Variants in DLGAP1 observed in about 807,000 individuals in gnomAD.
DLGAP1 encodes the protein DLG associated protein 1, also known as disks large-associated protein 1.
In DLGAP1, 11 loss-of-function variants were observed where a neutral mutation model predicts 90.8. The ratio of observed to expected loss-of-function variants is 0.12; its 90% CI spans 0.08 to 0.20. The LOEUF is 0.20. DLGAP1 is among the 10% of genes least tolerant of loss of function. The pLI, the probability that DLGAP1 is intolerant of heterozygous loss-of-function variation, is 1.00. For synonymous variants in DLGAP1, 558 were observed against 540.7 expected, an observed-to-expected ratio of 1.03 and a Z score of -0.44; for missense variants, 1,050 against 1,333.8, an observed-to-expected ratio of 0.79 and a Z score of 3.31.
In DLGAP1 at chr18:3,744,755, C is replaced by T. The variant is rs149656695; in HGVS notation, c.1173-2243G>A. On this transcript the variant is annotated intron_variant, in intron 5 of 12. Coordinates refer to ENST00000315677, the MANE Select transcript of DLGAP1 (RefSeq NM_004746.4). The stretch of plus-strand genomic sequence containing the variant: ...GAGATGGGGTTTCACCATGTTGGCC[C>T]GGCTGGTCTCAGACTCCTGACCTCA... Among the ~76,000 whole-genome samples the T allele has an allele frequency of 7.2e-3, 1,096 of 152,056 alleles. 14 individuals are homozygous for T. The highest frequency in any genetic ancestry group is 0.025 in the African/African-American group (1,034 of 41,438).
chr18:3,693,523 G>A (rs189915016), intron 7 of DLGAP1, among the ~76,000 whole-genome samples: 3 of 152,348 alleles, frequency 2.0e-5, no homozygotes, highest in Admixed American at 2.0e-4. Context: ...TTAATGTGAA[G>A]GCAATCACTG....
intron 1 of DLGAP1, among the ~76,000 whole-genome samples, chr18:4,245,343 A>G (rs894236030): frequency 2.0e-5 from 3 of 152,232 alleles, no homozygotes; most frequent in Admixed American, 6.5e-5. Flanking sequence ...ATAAGTTACA[A>G]TTGTGACATA....
At chr18:4,442,118 A>C (rs1315930126) in intron 1 of DLGAP1, among the ~76,000 whole-genome samples, 1 of 152,088 alleles carries the variant, frequency 6.6e-6, no homozygotes, top group African/African-American at 2.4e-5. Flanking sequence ...CAGTCTCCCA[A>C]GTAGCTGGGA....
intron 1 of DLGAP1, among the ~76,000 whole-genome samples, chr18:4,424,225 T>C (rs1328385133): frequency 6.6e-6 from 1 of 152,138 alleles, no homozygotes; most frequent in African/African-American, 2.4e-5. Flanking sequence ...TTACTGGGCA[T>C]AGTGGAAGTT....
chr18:3,748,532 C>T (rs1397777732), intron 5 of DLGAP1, among the ~76,000 whole-genome samples: 1 of 152,190 alleles, frequency 6.6e-6, no homozygotes, highest in Admixed American at 6.5e-5. Context: ...TTCATTTTCA[C>T]GTTGTCTTCT....
At chr18:4,147,312 CAA>C (rs917894310) in intron 2 of DLGAP1, among the ~76,000 whole-genome samples, 2 of 152,122 alleles carry the variant, frequency 1.3e-5, no homozygotes, top group Non-Finnish European at 2.9e-5. Flanking sequence ...AATCAAGTAG[CAA>C]AAAGTCTTTC....
intron 4 of DLGAP1, among the ~76,000 whole-genome samples, chr18:3,862,870 G>C (rs147240071): frequency 6.6e-6 from 1 of 152,398 alleles, no homozygotes; most frequent in East Asian, 1.9e-4. Context: ...CATTCAAGCA[G>C]GGCGGCCCTC....
At chr18:4,065,219 A>C (rs1043916827) in intron 2 of DLGAP1, among the ~76,000 whole-genome samples, 73 of 152,182 alleles carry the variant, frequency 4.8e-4, no homozygotes, top group Non-Finnish European at 1.1e-3. Flanking sequence ...CATAGTTAAC[A>C]TTATACTGAA....
At chr18:3,728,456 C>A (rs368497488) in intron 7 of DLGAP1, among the ~76,000 whole-genome samples, 3 of 152,074 alleles carry the variant, frequency 2.0e-5, no homozygotes, top group East Asian at 3.9e-4. Flanking sequence ...ACTCGTTAAG[C>A]TTTTCTGTGT....
chr18:3,931,043 CATGGCTTCTGGGTGT>C (rs2072504513), intron 3 of DLGAP1, among the ~76,000 whole-genome samples: 2 of 152,198 alleles, frequency 1.3e-5, no homozygotes, highest in African/African-American at 2.4e-5. Flanking sequence ...AAGCTCCCGG[CATGGCTTCTGGGTGT>C]AGTCACTGTG....
At chr18:3,940,871 AGCTT>A (rs1374438820) in intron 3 of DLGAP1, among the ~76,000 whole-genome samples, 1 of 152,226 alleles carries the variant, frequency 6.6e-6, no homozygotes, top group Non-Finnish European at 1.5e-5. Flanking sequence ...AAAAACTGAT[AGCTT>A]AAATGAGTGA....
At chr18:4,031,948 A>T (rs776036132) in intron 2 of DLGAP1, among the ~76,000 whole-genome samples, 1 of 152,272 alleles carries the variant, frequency 6.6e-6, no homozygotes, top group Non-Finnish European at 1.5e-5. Flanking sequence ...ACATATGGTC[A>T]TATGTGAACA....
At chr18:4,056,002 G>A (rs1253589335) in intron 2 of DLGAP1, among the ~76,000 whole-genome samples, 2 of 152,166 alleles carry the variant, frequency 1.3e-5, no homozygotes, top group East Asian at 3.9e-4. Flanking sequence ...TACAAAGGAT[G>A]TATATATGCG....
At chr18:4,111,023 C>A (rs1480848128) in intron 2 of DLGAP1, among the ~76,000 whole-genome samples, 1 of 152,086 alleles carries the variant, frequency 6.6e-6, no homozygotes, top group Non-Finnish European at 1.5e-5. Flanking sequence ...CTGATCTCAT[C>A]TAAAGGTTAT....
intron 7 of DLGAP1, among the ~76,000 whole-genome samples, chr18:3,663,653 C>T (rs566474679): frequency 1.4e-3 from 209 of 152,344 alleles, no homozygotes; most frequent in Admixed American, 3.2e-3. Flanking sequence ...GTGCCAATTA[C>T]AGGTGCTCTA....
intron 2 of DLGAP1, among the ~76,000 whole-genome samples, chr18:4,105,731 C>T (rs1433696451): frequency 2.6e-5 from 4 of 152,054 alleles, no homozygotes; most frequent in Non-Finnish European, 5.9e-5. Flanking sequence ...GAAAAGGAGG[C>T]CTTAAAAGTT....
intron 4 of DLGAP1, among the ~76,000 whole-genome samples, chr18:3,840,994 A>G (rs1471156237): frequency 1.3e-5 from 2 of 152,226 alleles, no homozygotes; most frequent in Non-Finnish European, 1.5e-5. Flanking sequence ...AAAATTTCCC[A>G]GAAACTGCAC....
intron 4 of DLGAP1, among the ~76,000 whole-genome samples, chr18:3,816,588 A>C (rs915433743): frequency 7.2e-5 from 11 of 152,234 alleles, no homozygotes; most frequent in Non-Finnish European, 8.8e-5. Context: ...ATTTTATTTA[A>C]TAAATTCTTA....
At chr18:3,937,390 T>C (rs974166934) in intron 3 of DLGAP1, among the ~76,000 whole-genome samples, 4 of 152,142 alleles carry the variant, frequency 2.6e-5, no homozygotes, top group African/African-American at 7.2e-5. Context: ...AGAGAGCCTG[T>C]GCAGGGGAAC....
Sources: allele counts gnomAD v4.1 joint callset (sites outside exome capture counted in the v4.1 genomes callset), GRCh38; gene constraint gnomAD v4.1.1; transcripts MANE v1.5; gene names NCBI Gene and HGNC (gene_info 2026-07-23, HGNC 2026-07-21).